NSMCE2: variants seen among roughly 807,000 people sequenced by gnomAD.
NSMCE2 encodes E3 SUMO-protein ligase NSE2.
NSMCE2 carries 24 observed loss-of-function variants against 23.8 expected under a neutral mutation model. That is an observed-to-expected ratio of 1.01 (90% CI 0.73 to 1.42). NSMCE2 has a LOEUF of 1.42. Among genes scored for constraint, NSMCE2 ranks in the 40% most tolerant of loss-of-function variants. The pLI, the probability that NSMCE2 is intolerant of heterozygous loss-of-function variation, is 0.00. For missense variants in NSMCE2, 284 were observed against 296.5 expected (o/e 0.96, Z 0.31); for synonymous variants, 92 against 94.1 (o/e 0.98, Z 0.13).
At chr8:125,168,781 T>C (rs1478772457) in intron 4 of NSMCE2, among the ~76,000 whole-genome samples, 1 of 152,216 alleles carries the variant, frequency 6.6e-6, no homozygotes, top group Admixed American at 6.5e-5. Context: ...TAGGTATAGT[T>C]TGGTGCTTTT....
chr8:125,163,583 G>C (rs1408843467), intron 4 of NSMCE2, among the ~76,000 whole-genome samples: 1 of 152,138 alleles, frequency 6.6e-6, no homozygotes, highest in Non-Finnish European at 1.5e-5. Flanking sequence ...TAGATAAAAC[G>C]AGATTGTAGA....
At chr8:125,248,190 A>T (rs1826067356) in intron 5 of NSMCE2, among the ~76,000 whole-genome samples, 1 of 152,202 alleles carries the variant, frequency 6.6e-6, no homozygotes, top group Non-Finnish European at 1.5e-5. Flanking sequence ...GGGTGTTTAT[A>T]TTACCTTATG....
At chr8:125,133,452 A>G (rs1819873428) in intron 3 of NSMCE2, among the ~76,000 whole-genome samples, 1 of 152,176 alleles carries the variant, frequency 6.6e-6, no homozygotes, top group Non-Finnish European at 1.5e-5. Context: ...GTTTGTCTTT[A>G]AATTCAGCCG....
In NSMCE2 at chr8:125,139,441, T is replaced by C. The variant is rs529815844; in HGVS notation, c.158-11730T>C. On this transcript the variant is annotated intron_variant, in intron 3 of 7. Transcript: ENST00000287437. ...TGTTCTCACACTGCTAATAAAGACA[T>C]ACCGGAGACTGGTAATTTATAAAGG... Among the ~76,000 whole-genome samples the C allele has an allele frequency of 2.0e-5, 3 of 152,310 alleles. No individual in the cohort carries two copies. In the South Asian group the frequency reaches 6.2e-4, roughly 32 times the overall value.
At chr8:125,353,071 A>G (rs1241930077) in intron 5 of NSMCE2, among the ~76,000 whole-genome samples, 1 of 152,196 alleles carries the variant, frequency 6.6e-6, no homozygotes, top group African/African-American at 2.4e-5. Flanking sequence ...AGTGGTAGGC[A>G]TTGCATTTGA....
intron 5 of NSMCE2, among the ~76,000 whole-genome samples, chr8:125,300,032 T>G (rs1828499007): frequency 6.6e-6 from 1 of 151,988 alleles, no homozygotes; most frequent in Non-Finnish European, 1.5e-5. Flanking sequence ...TTGGCCAGGC[T>G]GGTCTCAAAC....
intron 5 of NSMCE2, among the ~76,000 whole-genome samples, chr8:125,223,282 C>G (rs1276070615): frequency 6.6e-6 from 1 of 151,808 alleles, no homozygotes; most frequent in Non-Finnish European, 1.5e-5. Context: ...TGCTTGAACC[C>G]CAGAAGCAGA....
intron 3 of NSMCE2, among the ~76,000 whole-genome samples, chr8:125,106,733 C>T (rs1319266617): frequency 1.3e-5 from 2 of 150,584 alleles, no homozygotes; most frequent in South Asian, 2.1e-4. Context: ...CTGTGGCTCA[C>T]ACTTGTAATC....
chr8:125,098,288 G>T (rs1362813136), intron 1 of NSMCE2, among the ~76,000 whole-genome samples: 1 of 152,172 alleles, frequency 6.6e-6, no homozygotes, highest in Non-Finnish European at 1.5e-5. Context: ...AACGTAGATT[G>T]TTGGGGCCTG....
At chr8:125,350,777 C>G (rs1157259112) in intron 5 of NSMCE2, among the ~76,000 whole-genome samples, 4 of 152,128 alleles carry the variant, frequency 2.6e-5, no homozygotes, top group African/African-American at 9.7e-5. Context: ...GGGTCCTTCC[C>G]ACAATATGTG....
At chr8:125,280,910 A>G (rs1210569315) in intron 5 of NSMCE2, among the ~76,000 whole-genome samples, 4 of 152,194 alleles carry the variant, frequency 2.6e-5, no homozygotes, top group Admixed American at 1.3e-4. Flanking sequence ...AATTTCTCAA[A>G]TGCATACTTG....
intron 5 of NSMCE2, among the ~76,000 whole-genome samples, chr8:125,322,692 A>G (rs1205942016): frequency 6.6e-6 from 1 of 152,252 alleles, no homozygotes; most frequent in Non-Finnish European, 1.5e-5. Flanking sequence ...TAACATGATC[A>G]TCTGTGCTGA....
At chr8:125,299,130 T>C (rs560238603) in intron 5 of NSMCE2, among the ~76,000 whole-genome samples, 1 of 152,344 alleles carries the variant, frequency 6.6e-6, no homozygotes, top group South Asian at 2.1e-4. Context: ...CTTTGAAGTA[T>C]TTTTATAGCA....
chr8:125,135,919 G>A (rs1055871569), intron 3 of NSMCE2, among the ~76,000 whole-genome samples: 1 of 151,922 alleles, frequency 6.6e-6, no homozygotes, highest in Non-Finnish European at 1.5e-5. Flanking sequence ...TTTTAGACTT[G>A]GCTTGTCAAT....
At chr8:125,117,061 A>G (rs1819040973) in intron 3 of NSMCE2, among the ~76,000 whole-genome samples, 1 of 151,858 alleles carries the variant, frequency 6.6e-6, no homozygotes, top group African/African-American at 2.4e-5. Context: ...AATGGAAAAG[A>G]AACAATTTAG....
chr8:125,105,182 A>G (rs903248368), intron 3 of NSMCE2, among the ~76,000 whole-genome samples: 2 of 152,198 alleles, frequency 1.3e-5, no homozygotes, highest in Non-Finnish European at 2.9e-5. Flanking sequence ...TCAGTCATTC[A>G]TGGCAGGTGG....
chr8:125,335,143 G>A (rs73704932), intron 5 of NSMCE2, among the ~76,000 whole-genome samples: 5,050 of 152,152 alleles, frequency 0.033, 250 homozygotes, highest in African/African-American at 0.11. Flanking sequence ...AGTCCCAACA[G>A]GACTCTGAGA....
At chr8:125,316,732 T>TTTCCTTCCCTCCTTCCTTCCTTCCTTCC (rs1829216933) in intron 5 of NSMCE2, among the ~76,000 whole-genome samples, 1 of 102,438 alleles carries the variant, frequency 9.8e-6, no homozygotes, top group African/African-American at 4.6e-5. Flanking sequence ...CTTTCCTTCT[T>TTTCCTTCCCTCCTTCCTTCCTTCCTTCC]TTCCTTCCTT....
At chr8:125,359,140 G>T (rs189030973) in intron 7 of NSMCE2, among the ~76,000 whole-genome samples, 1 of 151,398 alleles carries the variant, frequency 6.6e-6, no homozygotes, top group Middle Eastern at 3.2e-3. Flanking sequence ...GGTGGCAGGC[G>T]CCTACAGTCC....
Sources: gnomAD v4.1 joint callset for allele counts (sites outside exome capture counted in the v4.1 genomes callset) on GRCh38, gnomAD v4.1.1 for gene constraint, MANE v1.5 for transcripts, NCBI Gene and HGNC (gene_info 2026-07-23, HGNC 2026-07-21) for gene names.